Variants in PIP4P2 observed in about 807,000 individuals in gnomAD.
PIP4P2 encodes the protein phosphatidylinositol-4,5-bisphosphate 4-phosphatase 2.
Under a neutral mutation model 33.3 loss-of-function variants are expected in PIP4P2, and 19 were observed. The ratio of observed to expected loss-of-function variants is 0.57; its 90% CI spans 0.40 to 0.84. The LOEUF (loss-of-function observed/expected upper bound fraction) is 0.84, where lower values mean the gene tolerates loss of function less well. Ranked by LOEUF, PIP4P2 falls within the 40% of genes least tolerant of loss-of-function variation. PIP4P2 has a pLI of 0.00. For synonymous variants in PIP4P2, 110 were observed against 111.9 expected (o/e 0.98, Z 0.11); for missense variants, 270 against 324.7 (o/e 0.83, Z 1.29).
intron 5 of PIP4P2, among the ~76,000 whole-genome samples, chr8:91,006,672 C>G (rs753109113): frequency 2.0e-5 from 3 of 152,176 alleles, no homozygotes; most frequent in Non-Finnish European, 4.4e-5. Flanking sequence ...CTGCTAACCA[C>G]AGAGGTCTCT....
At chr8:91,017,619 A>G (rs2130366529) in intron 4 of PIP4P2, among the ~76,000 whole-genome samples, 1 of 152,200 alleles carries the variant, frequency 6.6e-6, no homozygotes, top group Middle Eastern at 3.4e-3. Context: ...CAAACCACTT[A>G]TATTTTCTTA....
chr8:91,029,184 G>A (rs1812123624), intron 1 of PIP4P2, among the ~76,000 whole-genome samples: 2 of 152,014 alleles, frequency 1.3e-5, no homozygotes, highest in South Asian at 2.1e-4. Flanking sequence ...CTAGCGACTC[G>A]GGAGGCTGAG....
chr8:90,996,147 G>C (rs1360331843), intron 6 of PIP4P2, among the ~76,000 whole-genome samples: 1 of 152,088 alleles, frequency 6.6e-6, no homozygotes, highest in Non-Finnish European at 1.5e-5. Context: ...ACAAACAAAG[G>C]AGCATGGAAA....
intron 5 of PIP4P2, 31 bp from the exon 6 acceptor site, chr8:90,996,775 T>G (rs924380101): frequency 1.3e-6 from 2 of 1,533,972 alleles, no homozygotes; most frequent in Non-Finnish European, 1.8e-6. Context: ...AAGAGAACAT[T>G]AAGTATTTAC....
At chr8:91,001,442 A>G (rs1811698354) in intron 5 of PIP4P2, among the ~76,000 whole-genome samples, 1 of 151,758 alleles carries the variant, frequency 6.6e-6, no homozygotes, top group African/African-American at 2.4e-5. Flanking sequence ...TATTTCTACA[A>G]TTTTGTCATT....
Position 90,998,716 on chromosome 8 carries a change from G to A in PIP4P2, c.540-1972C>T, listed in dbSNP as rs145373275. ...TGGAATAACTGGCTAGCCATATGCA[G>A]AACATTGAAACTGGACTCCTTCCTC... On this transcript the variant is annotated intron_variant, in intron 5 of 6. Coordinates refer to ENST00000285419, the MANE Select transcript of PIP4P2 (RefSeq NM_018710.3). Among the ~76,000 whole-genome samples the A allele has an allele frequency of 1.6e-3, 236 of 152,128 alleles. 1 individual carries two copies. The highest frequency in any genetic ancestry group is 5.5e-3 in the African/African-American group (228 of 41,524).
rs565148965 is a variant in PIP4P2 at position 91,017,450 on chromosome 8, A to G, written c.486+940T>C. 5.3e-5 allele frequency among the ~76,000 whole-genome samples: 8 copies of G among 152,178 alleles called. No homozygotes were observed. The South Asian group carries it at 1.7e-3, about 32-fold the overall frequency. On this transcript the variant is annotated intron_variant, in intron 4 of 6. Transcript: ENST00000285419. Reference sequence around the variant, plus strand: ...AATTTAAAAATTATAAAAAATAAACACATAGAAGTGACTATCAATAAAGTA... The same window carrying G: ...AATTTAAAAATTATAAAAAATAAACGCATAGAAGTGACTATCAATAAAGTA...
chr8:91,033,224 T>C (rs1235264503), intron 1 of PIP4P2, among the ~76,000 whole-genome samples: 1 of 152,200 alleles, frequency 6.6e-6, no homozygotes, highest in East Asian at 1.9e-4. Flanking sequence ...ACATTTCTAA[T>C]TGAATAACTA....
chr8:90,995,780 T>C lies in PIP4P2; in HGVS notation c.671A>G (p.Tyr224Cys), dbSNP rs1292403207. 16 of 1,610,944 alleles carry C rather than the reference T, an allele frequency of 9.9e-6. No homozygotes were observed. The highest frequency in any genetic ancestry group is 1.4e-5 in the Non-Finnish European group (16 of 1,178,978). Residue 224 changes from tyrosine (Y) to cysteine (C), a missense_variant, in exon 7 of 7, where the codon TAT (tyrosine) becomes TGT (cysteine). By Grantham distance (194) the Tyr-to-Cys change is radical. Transcript: ENST00000285419. ...GAGATAAGCAATTGCCCAAGAAACATAGGTTGCTCGAAATCGCCTTGCAAA... is the reference window on the plus strand; with the variant it reads ...GAGATAAGCAATTGCCCAAGAAACACAGGTTGCTCGAAATCGCCTTGCAAA... ...PDFARRFRATYVSWAIAYLLG... is the reference protein window; with the variant it reads ...PDFARRFRATCVSWAIAYLLG...
At chr8:91,025,874 T>G (rs1812077044) in intron 1 of PIP4P2, among the ~76,000 whole-genome samples, 1 of 152,162 alleles carries the variant, frequency 6.6e-6, no homozygotes, top group South Asian at 2.1e-4. Context: ...CTTCTCCAGT[T>G]CAGTTCAATA....
intron 3 of PIP4P2, among the ~76,000 whole-genome samples, chr8:91,019,576 AAAAG>A (rs1279470920): frequency 6.6e-6 from 1 of 151,728 alleles, no homozygotes; most frequent in Non-Finnish European, 1.5e-5. Context: ...AAAAAAAAAA[AAAAG>A]AGAGAGACTA....
intron 5 of PIP4P2, among the ~76,000 whole-genome samples, chr8:91,003,941 C>G (rs1003209138): frequency 1.4e-5 from 2 of 140,400 alleles, no homozygotes; most frequent in Non-Finnish European, 3.1e-5. Context: ...AAAGCCAGAA[C>G]CAACAGGAGA....
At chr8:91,016,196 G>GT in intron 4 of PIP4P2, among the ~76,000 whole-genome samples, 1 of 152,102 alleles carries the variant, frequency 6.6e-6, no homozygotes, top group South Asian at 2.1e-4. Flanking sequence ...ACAAACAAAG[G>GT]CTCCTAGAAA....
intron 5 of PIP4P2, among the ~76,000 whole-genome samples, chr8:91,004,476 T>A (rs1563561992): frequency 2.6e-5 from 4 of 152,090 alleles, no homozygotes; most frequent in Admixed American, 1.3e-4. Flanking sequence ...CTTAATCCAG[T>A]CAAGTTGACA....
chr8:91,024,766 G>T (rs977491319), intron 1 of PIP4P2, among the ~76,000 whole-genome samples: 5 of 151,930 alleles, frequency 3.3e-5, no homozygotes, highest in Non-Finnish European at 7.4e-5. Flanking sequence ...TCTCCATGGG[G>T]TTTTTCTAAA....
intron 4 of PIP4P2, among the ~76,000 whole-genome samples, chr8:91,015,858 T>C (rs1012607753): frequency 1.8e-4 from 27 of 152,134 alleles, no homozygotes; most frequent in African/African-American, 6.5e-4. Context: ...AAGGAGGAAG[T>C]AACTTGTGGA....
chr8:91,010,043 T>C (rs963836502), intron 4 of PIP4P2, among the ~76,000 whole-genome samples: 40 of 151,994 alleles, frequency 2.6e-4, no homozygotes, highest in African/African-American at 9.6e-4. Flanking sequence ...TCATTAATTA[T>C]GAGAGAATTA....
Position 90,998,951 on chromosome 8 carries a change from C to A in PIP4P2, c.540-2207G>T, listed in dbSNP as rs1811665085. 2.6e-5 allele frequency among the ~76,000 whole-genome samples: 4 copies of A among 152,054 alleles called. No homozygotes were observed. The South Asian group carries it at 8.3e-4, about 32-fold the overall frequency. On this transcript the variant is annotated intron_variant, in intron 5 of 6. Transcript: ENST00000285419. ...ATCTAATTAAACTAAAGAGCTTTTG[C>A]ACATCAAAGGAAACTATCAACAGGG...
chr8:91,019,356 T>C (rs1213069573), intron 3 of PIP4P2, among the ~76,000 whole-genome samples: 1 of 111,956 alleles, frequency 8.9e-6, no homozygotes, highest in Non-Finnish European at 1.6e-5. Context: ...ACCCAGGAGT[T>C]CAAGACAGCC....
Sources: allele counts gnomAD v4.1 joint callset (sites outside exome capture counted in the v4.1 genomes callset), GRCh38; gene constraint gnomAD v4.1.1; transcripts MANE v1.5; gene names NCBI Gene and HGNC (gene_info 2026-07-23, HGNC 2026-07-21).